The following GRIK4 variants were observed in gnomAD, a reference collection of about 807,000 sequenced individuals.
GRIK4 encodes the protein glutamate ionotropic receptor kainate type subunit 4, also known as glutamate receptor ionotropic, kainate 4.
GRIK4 carries 40 observed loss-of-function variants against 104.9 expected under a neutral mutation model. That is an observed-to-expected ratio of 0.38 (90% CI 0.30 to 0.50). The LOEUF (loss-of-function observed/expected upper bound fraction) is 0.50. Among genes scored for constraint, GRIK4 ranks in the 20% least tolerant of loss-of-function variants. The pLI is 0.93. For missense variants in GRIK4, 1,047 were observed against 1,308.1 expected (o/e 0.80, Z 3.08); for synonymous variants, 485 against 524.9 (o/e 0.92, Z 1.04).
At chr11:120,727,233 C>G (rs1025110217) in intron 3 of GRIK4, among the ~76,000 whole-genome samples, 2 of 152,180 alleles carry the variant, frequency 1.3e-5, no homozygotes, top group African/African-American at 4.8e-5. Flanking sequence ...CCAGACTGAC[C>G]TCTCAGGGCT....
At chr11:120,848,648 C>T (rs1407633603) in intron 8 of GRIK4, among the ~76,000 whole-genome samples, 1 of 152,114 alleles carries the variant, frequency 6.6e-6, no homozygotes, top group Non-Finnish European at 1.5e-5. Flanking sequence ...TCAGCTGGGA[C>T]TGATGAATCA....
chr11:120,558,665 G>A (rs1286420303), intron 1 of GRIK4, among the ~76,000 whole-genome samples: 1 of 152,178 alleles, frequency 6.6e-6, no homozygotes, highest in Non-Finnish European at 1.5e-5. Context: ...GCTGATGAAG[G>A]CACACACAAG....
intron 1 of GRIK4, among the ~76,000 whole-genome samples, chr11:120,636,937 G>GCCATGA: frequency 6.6e-6 from 1 of 152,348 alleles, no homozygotes; most frequent in African/African-American, 2.4e-5. Flanking sequence ...CATGGCCATG[G>GCCATGA]TCAGAGGTGT....
rs375113729 is a variant in GRIK4, at chr11:120,875,132, T to C, written c.1060-7T>C. ...TTTGGTGCTGTAACTCACTCTCTCT[T>C]GGACAGGTAGAATTGGAAGGTCTTA... is the stretch of plus-strand genomic sequence containing the variant. On this transcript the variant is annotated splice_polypyrimidine_tract_variant and splice_region_variant and intron_variant, in intron 10 of 20. Coordinates refer to ENST00000527524, the MANE Select transcript of GRIK4 (RefSeq NM_014619.5). 254 of 1,578,404 alleles carry C rather than the reference T, an allele frequency of 1.6e-4. 4 individuals carry two copies. The South Asian group carries it at 2.4e-3, about 15-fold the overall frequency.
At chr11:120,729,572 T>A (rs1951092276) in intron 3 of GRIK4, among the ~76,000 whole-genome samples, 1 of 152,230 alleles carries the variant, frequency 6.6e-6, no homozygotes, top group Non-Finnish European at 1.5e-5. Flanking sequence ...TTGAGAAATG[T>A]GTATTCAGAT....
chr11:120,910,059 G>C (rs565615061), intron 13 of GRIK4, among the ~76,000 whole-genome samples: 2 of 152,198 alleles, frequency 1.3e-5, no homozygotes, highest in Non-Finnish European at 2.9e-5. Context: ...AAGTGAGTCA[G>C]GCCTCTGGTG....
intron 14 of GRIK4, among the ~76,000 whole-genome samples, chr11:120,942,975 TATCA>T (rs1216397227): frequency 6.6e-6 from 1 of 152,172 alleles, no homozygotes; most frequent in Non-Finnish European, 1.5e-5. Context: ...GCCTTAAGTC[TATCA>T]CATAGAAATC....
intron 3 of GRIK4, among the ~76,000 whole-genome samples, chr11:120,725,902 T>TG (rs1951020419): frequency 6.6e-6 from 1 of 152,090 alleles, no homozygotes; most frequent in Admixed American, 6.5e-5. Context: ...GTGATGGTGG[T>TG]GGTGGGGGGT....
intron 1 of GRIK4, among the ~76,000 whole-genome samples, chr11:120,533,627 C>G (rs963300959): frequency 1.3e-5 from 2 of 152,212 alleles, no homozygotes; most frequent in Non-Finnish European, 2.9e-5. Flanking sequence ...CCTGTAATCC[C>G]AGCACTTTGG....
intron 3 of GRIK4, among the ~76,000 whole-genome samples, chr11:120,685,757 T>C (rs1306081978): frequency 1.3e-5 from 2 of 152,208 alleles, no homozygotes; most frequent in East Asian, 1.9e-4. Context: ...TCTCTCTTGA[T>C]CTTGGTTTCC....
At chr11:120,853,015 C>T (rs914330946) in intron 8 of GRIK4, among the ~76,000 whole-genome samples, 2 of 152,178 alleles carry the variant, frequency 1.3e-5, no homozygotes, top group African/African-American at 4.8e-5. Context: ...TGACTTCTTT[C>T]TATATGGGGT....
In GRIK4 at chr11:120,541,509, T is replaced by C. The variant is rs190765214; in HGVS notation, c.-159+29622T>C. On this transcript the variant is annotated intron_variant, in intron 1 of 20. Transcript: ENST00000527524. ...TCAGGAAAAATACTCTTTTTTTTTT[T>C]CTGAGGTAGCGCCTTGCTCTGTCGT... is the stretch of plus-strand genomic sequence containing the variant. Among the ~76,000 whole-genome samples, 245 of 152,194 alleles carry C rather than the reference T, an allele frequency of 1.6e-3. 1 individual carries two copies. Among genetic ancestry groups the C allele is most frequent in the African/African-American group, 5.1e-3 (212 of 41,514 alleles).
In GRIK4 at chr11:120,660,033, C is replaced by T. The variant is rs184988687; in HGVS notation, c.-50-236C>T. 5.9e-5 allele frequency among the ~76,000 whole-genome samples: 9 copies of T among 152,302 alleles called. No homozygotes were observed. The East Asian group carries it at 1.5e-3, about 26-fold the overall frequency. On this transcript the variant is annotated intron_variant, in intron 2 of 20. Transcript: ENST00000527524. ...AGGCGTGAGCCACTGTGCCTGGCTG[C>T]GAGCAGATGAGGTTCTTCATTTCTA...
At chr11:120,703,471 C>T (rs1318523515) in intron 3 of GRIK4, among the ~76,000 whole-genome samples, 2 of 152,042 alleles carry the variant, frequency 1.3e-5, no homozygotes, top group East Asian at 1.9e-4. Flanking sequence ...AGCCAGTTTA[C>T]AAGCTCTCTA....
intron 3 of GRIK4, among the ~76,000 whole-genome samples, chr11:120,682,475 C>T (rs1398696875): frequency 1.3e-5 from 2 of 152,140 alleles, no homozygotes; most frequent in Non-Finnish European, 2.9e-5. Flanking sequence ...TTTCTCTCGC[C>T]AAGTTCTGCC....
At chr11:120,718,000 A>G (rs907074441) in intron 3 of GRIK4, among the ~76,000 whole-genome samples, 8 of 152,084 alleles carry the variant, frequency 5.3e-5, no homozygotes, top group African/African-American at 1.9e-4. Context: ...AAAGATTCCG[A>G]AAAGAATTAA....
rs755363597 is a variant in GRIK4 at position 120,555,696 on chromosome 11, C to T, written c.-159+43809C>T. On this transcript the variant is annotated intron_variant, in intron 1 of 20. Transcript: ENST00000527524. The surrounding 1 kb of genome is among the most constrained non-coding windows in gnomAD (Gnocchi z 5.3). ...AGAGGGGAGGTCTGCCCTCCTTCTG[C>T]CCAGGGTCCTTTCGACTTCTCAGGA... Among the ~76,000 whole-genome samples, 1 of 152,162 alleles carries T rather than the reference C, an allele frequency of 6.6e-6. No individual in the cohort carries two copies. Among genetic ancestry groups the T allele is most frequent in the African/African-American group, 2.4e-5 (1 of 41,444 alleles).
intron 11 of GRIK4, among the ~76,000 whole-genome samples, chr11:120,896,468 T>C (rs994273183): frequency 1.3e-5 from 2 of 152,186 alleles, no homozygotes; most frequent in African/African-American, 2.4e-5. Flanking sequence ...CTTTTCCAGG[T>C]GGCATTCTTG....
chr11:120,711,975 A>G (rs1950742693), intron 3 of GRIK4, among the ~76,000 whole-genome samples: 1 of 139,110 alleles, frequency 7.2e-6, no homozygotes, highest in Non-Finnish European at 1.5e-5. Flanking sequence ...CACTCAGGAA[A>G]TGATTATTAT....
Sources: allele counts gnomAD v4.1 joint callset (sites outside exome capture counted in the v4.1 genomes callset), GRCh38; gene constraint gnomAD v4.1.1; non-coding constraint Gnocchi (gnomAD v3.1); transcripts MANE v1.5; gene names NCBI Gene and HGNC (gene_info 2026-07-23, HGNC 2026-07-21).